CACNA1D: variants seen among roughly 807,000 people sequenced by gnomAD.
The protein encoded by CACNA1D is voltage-dependent L-type calcium channel subunit alpha-1D.
CACNA1D carries 55 observed loss-of-function variants against 257.1 expected under a neutral mutation model. The ratio of observed to expected loss-of-function variants is 0.21; its 90% confidence interval spans 0.17 to 0.27. The LOEUF (loss-of-function observed/expected upper bound fraction) is 0.27. CACNA1D is among the 10% of genes least tolerant of loss of function. The pLI is 1.00. For missense variants in CACNA1D, 1,876 were observed against 2,784.0 expected, an observed-to-expected ratio of 0.67 and a Z score of 7.34; for synonymous variants, 980 against 1,014.9, an observed-to-expected ratio of 0.97 and a Z score of 0.65.
intron 3 of CACNA1D, among the ~76,000 whole-genome samples, chr3:53,562,668 C>G (rs2092761918): frequency 6.6e-6 from 1 of 151,936 alleles, no homozygotes; most frequent in Admixed American, 6.6e-5. Context: ...CCCCCAAATT[C>G]TCTTGAACCT....
chr3:53,770,722 A>G (rs1241791449), intron 32 of CACNA1D, among the ~76,000 whole-genome samples, 170 bp downstream of exon 32: 1 of 152,200 alleles, frequency 6.6e-6, no homozygotes, highest in Non-Finnish European at 1.5e-5. Context: ...TCTTGGGTCA[A>G]TCACATGGGA....
At chr3:53,525,330 T>G (rs982630652) in intron 3 of CACNA1D, among the ~76,000 whole-genome samples, 1 of 152,204 alleles carries the variant, frequency 6.6e-6, no homozygotes, top group African/African-American at 2.4e-5. Flanking sequence ...CTGTAATAAG[T>G]GATTTCTGTG....
chr3:53,679,333 C>A (rs1381070504), intron 8 of CACNA1D: 1 of 134,804 alleles, frequency 7.4e-6, no homozygotes, highest in African/African-American at 2.7e-5. Flanking sequence ...CAACACTTTA[C>A]CAGCATCTAC....
intron 3 of CACNA1D, among the ~76,000 whole-genome samples, chr3:53,506,975 A>G (rs2090871954): frequency 6.8e-6 from 1 of 146,886 alleles, no homozygotes; most frequent in Admixed American, 7.0e-5. Flanking sequence ...TGGGAGGCTG[A>G]GGCAGGAGTC....
At chr3:53,613,967 A>G (rs979969530) in intron 3 of CACNA1D, among the ~76,000 whole-genome samples, 1 of 151,996 alleles carries the variant, frequency 6.6e-6, no homozygotes, top group Non-Finnish European at 1.5e-5. Context: ...ATTGGCTAGT[A>G]AGAAGTAGAA....
rs542010456 is a variant in CACNA1D, at chr3:53,592,506, G to A, written c.484-58273G>A. ...CTGTTTGAAGGTTTTTGGGAGCAGG[G>A]GACATTATCTGATTTGTCTAATGTC... is the stretch of plus-strand genomic sequence containing the variant. On this transcript the variant is annotated intron_variant, in intron 3 of 47. Transcript: ENST00000350061. 2.0e-5 allele frequency among the ~76,000 whole-genome samples: 3 copies of A among 152,222 alleles called. No individual in the cohort carries two copies. The East Asian group carries it at 5.8e-4, about 29-fold the overall frequency.
At chr3:53,642,929 A>G (rs898166398) in intron 3 of CACNA1D, among the ~76,000 whole-genome samples, 2 of 152,178 alleles carry the variant, frequency 1.3e-5, no homozygotes, top group African/African-American at 4.8e-5. Flanking sequence ...TTCCATTGTG[A>G]GGTGCTTTAT....
chr3:53,673,176 C>A lies in CACNA1D; in HGVS notation c.1220+50C>A. Reference sequence around the variant, plus strand: ...AAAGCAGAGTCCTGAGGACAGTTGCCAAGACCACACAAGCTTTGCTGGATG... The same window carrying A: ...AAAGCAGAGTCCTGAGGACAGTTGCAAAGACCACACAAGCTTTGCTGGATG... On this transcript the variant is annotated intron_variant, in intron 8 of 47. Coordinates refer to ENST00000350061, the MANE Select transcript of CACNA1D (RefSeq NM_001128840.3). This position sits in a 1 kb window ranked among gnomAD's most constrained non-coding sequence, Gnocchi z 4.1. 3 of 1,246,188 alleles carry A rather than the reference C, an allele frequency of 2.4e-6. No individual in the cohort carries two copies. Among genetic ancestry groups the A allele is most frequent in the South Asian group, 2.6e-5 (2 of 77,132 alleles). The allele number at this position is 1,246,188 out of a possible 1,614,324, so 77.2% of individuals were successfully genotyped here. A position where few individuals can be genotyped will look rare whatever the true frequency, so the allele number is the denominator to read the frequency against.
intron 8 of CACNA1D, among the ~76,000 whole-genome samples, chr3:53,692,872 G>T (rs2094540656): frequency 6.6e-6 from 1 of 152,094 alleles, no homozygotes. Flanking sequence ...GCCCTGGCCA[G>T]CATAGAGAAA....
intron 3 of CACNA1D, among the ~76,000 whole-genome samples, chr3:53,622,090 C>A (rs2093702972): frequency 6.6e-6 from 1 of 151,952 alleles, no homozygotes; most frequent in Admixed American, 6.6e-5. Flanking sequence ...CTCTGTCACC[C>A]AGGCTGGAGT....
Position 53,577,771 on chromosome 3 carries a change from G to T in CACNA1D, c.484-73008G>T, listed in dbSNP as rs547458290. Among the ~76,000 whole-genome samples, 8 of 152,304 alleles carry T rather than the reference G, an allele frequency of 5.3e-5. No individual in the cohort carries two copies. In the South Asian group the frequency reaches 6.2e-4, roughly 12 times the overall value. On this transcript the variant is annotated intron_variant, in intron 3 of 47. Coordinates refer to ENST00000350061, the MANE Select transcript of CACNA1D (RefSeq NM_001128840.3). ...AGCTCCTCAGGCAGAATTCTGTCAT[G>T]CAGAATTCCCAGTAGATGGAATCCA... is the stretch of plus-strand genomic sequence containing the variant.
At chr3:53,561,342 T>C (rs2092735289) in intron 3 of CACNA1D, among the ~76,000 whole-genome samples, 1 of 152,226 alleles carries the variant, frequency 6.6e-6, no homozygotes, top group African/African-American at 2.4e-5. Flanking sequence ...TCATGAATTA[T>C]TGCATAACTC....
At chr3:53,536,419 CAT>C (rs1374298959) in intron 3 of CACNA1D, among the ~76,000 whole-genome samples, 2 of 151,972 alleles carry the variant, frequency 1.3e-5, no homozygotes, top group African/African-American at 4.8e-5. Flanking sequence ...GCCTTGTTAA[CAT>C]ATGGTACTGA....
intron 9 of CACNA1D, among the ~76,000 whole-genome samples, chr3:53,703,287 C>T (rs1351947402): frequency 6.6e-6 from 1 of 152,204 alleles, no homozygotes; most frequent in Non-Finnish European, 1.5e-5. Flanking sequence ...ATATGCTTAG[C>T]CCATCAGGGG....
At chr3:53,657,752 C>T (rs1374821077) in intron 4 of CACNA1D, among the ~76,000 whole-genome samples, 2 of 152,232 alleles carry the variant, frequency 1.3e-5, no homozygotes, top group Non-Finnish European at 2.9e-5. Flanking sequence ...CAGTTTCCAA[C>T]TACAGTCTGT....
intron 6 of CACNA1D, 26 bp downstream of exon 6, chr3:53,665,838 T>A: frequency 1.9e-6 from 3 of 1,599,882 alleles, no homozygotes; most frequent in Non-Finnish European, 2.6e-6. Flanking sequence ...TGTAGCTAAC[T>A]TAACTTTAAA....
At chr3:53,626,590 T>C (rs1325570004) in intron 3 of CACNA1D, among the ~76,000 whole-genome samples, 1 of 151,516 alleles carries the variant, frequency 6.6e-6, no homozygotes, top group African/African-American at 2.4e-5. Context: ...AAGTCAAACA[T>C]GGATAAAGTC....
intron 8 of CACNA1D, among the ~76,000 whole-genome samples, chr3:53,682,175 T>G (rs938742002): frequency 6.6e-6 from 1 of 151,846 alleles, no homozygotes; most frequent in African/African-American, 2.4e-5. Context: ...TACCTTAAAA[T>G]GCTTCAAAAA....
intron 8 of CACNA1D, among the ~76,000 whole-genome samples, chr3:53,692,448 T>C (rs1355552638): frequency 3.3e-5 from 5 of 152,028 alleles, no homozygotes; most frequent in Admixed American, 6.5e-5. Flanking sequence ...GAGTGAACTT[T>C]AGGATGTCTA....
Sources: gnomAD v4.1 joint callset for allele counts (sites outside exome capture counted in the v4.1 genomes callset) on GRCh38, gnomAD v4.1.1 for gene constraint, Gnocchi (gnomAD v3.1) non-coding constraint, MANE v1.5 for transcripts, NCBI Gene and HGNC (gene_info 2026-07-23, HGNC 2026-07-21) for gene names.